The following LURAP1L variants were observed in gnomAD, a reference collection of about 807,000 sequenced individuals.
The protein encoded by LURAP1L is leucine rich adaptor protein 1 like, also known as leucine rich adaptor protein 1-like.
A neutral mutation model predicts 13.8 loss-of-function variants in LURAP1L; 12 were observed. The observed-to-expected ratio is 0.87, with a 90% CI of 0.56 to 1.41. The LOEUF (loss-of-function observed/expected upper bound fraction) is 1.41. Ranked by LOEUF, LURAP1L falls within the 40% of genes most tolerant of loss-of-function variation. The pLI, the probability that LURAP1L is intolerant of heterozygous loss-of-function variation, is 0.00. For missense variants in LURAP1L, 375 were observed against 292.9 expected (o/e 1.28, Z -2.04); for synonymous variants, 139 against 119.2 (o/e 1.17, Z -1.08).
intron 1 of LURAP1L, among the ~76,000 whole-genome samples, chr9:12,799,897 T>G (rs1819561423): frequency 6.6e-6 from 1 of 150,930 alleles, no homozygotes; most frequent in African/African-American, 2.4e-5. Context: ...AAAAAGCCAT[T>G]TTATGATATA....
At chr9:12,800,924 G>T (rs1050497200) in intron 1 of LURAP1L, among the ~76,000 whole-genome samples, 1 of 152,142 alleles carries the variant, frequency 6.6e-6, no homozygotes, top group African/African-American at 2.4e-5. Flanking sequence ...CTCCTGTCAA[G>T]TGCTTCTGTT....
At chr9:12,785,517 G>A (rs918334851) in intron 1 of LURAP1L, among the ~76,000 whole-genome samples, 7 of 152,146 alleles carry the variant, frequency 4.6e-5, no homozygotes, top group African/African-American at 1.4e-4. Context: ...CAGTGTTGAT[G>A]CTAGTCAGAA....
chr9:12,800,237 A>G (rs1186097036), intron 1 of LURAP1L, among the ~76,000 whole-genome samples: 2 of 152,214 alleles, frequency 1.3e-5, no homozygotes, highest in Non-Finnish European at 2.9e-5. Context: ...GTGAAGCTTT[A>G]TGCTACATGC....
rs112285482 is a variant in LURAP1L at position 12,811,286 on chromosome 9, T to A, written c.313-10100T>A. On this transcript the variant is annotated intron_variant, in intron 1 of 1. Coordinates refer to ENST00000319264, the MANE Select transcript of LURAP1L (RefSeq NM_203403.2). ...TTAAGCTCTTTAAATTATATCTGAA[T>A]GTTATTATCTAAGTTTAGTCTATTA... is the stretch of plus-strand genomic sequence containing the variant. Among the ~76,000 whole-genome samples the A allele has an allele frequency of 2.6e-3, 394 of 152,356 alleles. 1 individual carries two copies. Among genetic ancestry groups the A allele is most frequent in the African/African-American group, 9.0e-3 (376 of 41,582 alleles).
intron 1 of LURAP1L, among the ~76,000 whole-genome samples, chr9:12,785,864 A>G (rs1412359177): frequency 6.6e-6 from 1 of 152,108 alleles, no homozygotes; most frequent in East Asian, 1.9e-4. Flanking sequence ...TTATGAAGGT[A>G]CTTTCTTGTT....
rs181016723 is a variant in LURAP1L, at chr9:12,809,206, A to G, written c.313-12180A>G. ...ACACCTCCTACCAGGCCCCACCTCT[A>G]GCATTGGGGATCACATTTCAACATG... On this transcript the variant is annotated intron_variant, in intron 1 of 1. Transcript: ENST00000319264. Among the ~76,000 whole-genome samples the G allele has an allele frequency of 2.2e-4, 34 of 152,290 alleles. 1 individual carries two copies. The highest frequency in any genetic ancestry group is 1.7e-3 in the Admixed American group (26 of 15,300).
intron 1 of LURAP1L, among the ~76,000 whole-genome samples, chr9:12,812,323 C>T (rs1191901777): frequency 6.6e-6 from 1 of 152,106 alleles, no homozygotes. Flanking sequence ...AACTGGTGAG[C>T]AAAATTTAAA....
chr9:12,786,568 AT>A lies in LURAP1L; in HGVS notation c.312+10542del, dbSNP rs1563888378. On this transcript the variant is annotated intron_variant, in intron 1 of 1. Coordinates refer to ENST00000319264, the MANE Select transcript of LURAP1L (RefSeq NM_203403.2). ...ATGACATATATATATATATATATAT[AT>A]ATATATATATATAAACCCTTGTGCC... Among the ~76,000 whole-genome samples the A allele has an allele frequency of 2.5e-4, 31 of 124,396 alleles. 2 individuals are homozygous for A. The highest frequency in any genetic ancestry group is 5.9e-4 in the South Asian group (2 of 3,390). 81.6% of individuals were successfully genotyped at this position (124,396 alleles called of 152,430 possible).
chr9:12,819,032 G>C (rs7021941), intron 1 of LURAP1L, among the ~76,000 whole-genome samples: 20,452 of 152,078 alleles, frequency 0.13, 1,550 homozygotes, highest in South Asian at 0.23. Flanking sequence ...CTGGCTCATA[G>C]GGTGTGCGGA....
intron 1 of LURAP1L, among the ~76,000 whole-genome samples, chr9:12,810,067 G>T (rs78479076): frequency 9.1e-4 from 139 of 152,274 alleles, no homozygotes; most frequent in African/African-American, 3.3e-3. Context: ...AGCCTGTTAG[G>T]TTCTGGTAAA....
intron 1 of LURAP1L, among the ~76,000 whole-genome samples, chr9:12,820,498 G>GGC (rs1586889455): frequency 3.5e-5 from 1 of 28,300 alleles, no homozygotes; most frequent in Non-Finnish European, 6.4e-5. Flanking sequence ...TCGAGACTCC[G>GGC]TCCCCCCCCC....
intron 1 of LURAP1L, among the ~76,000 whole-genome samples, chr9:12,782,896 A>G (rs1054138646): frequency 6.6e-6 from 1 of 152,094 alleles, no homozygotes; most frequent in African/African-American, 2.4e-5. Flanking sequence ...AATTTCTTGC[A>G]TCGGTATTTT....
At chr9:12,820,953 T>G (rs1007342939) in intron 1 of LURAP1L, among the ~76,000 whole-genome samples, 2 of 152,202 alleles carry the variant, frequency 1.3e-5, no homozygotes, top group African/African-American at 4.8e-5. Flanking sequence ...TCAGAGGCTT[T>G]TAGAGGCTTC....
chr9:12,792,169 A>G (rs573393011), intron 1 of LURAP1L, among the ~76,000 whole-genome samples: 2 of 152,220 alleles, frequency 1.3e-5, no homozygotes, highest in South Asian at 4.1e-4. Context: ...AGTAGCTGGG[A>G]GGTTTGGGAC....
At chr9:12,786,911 C>T (rs1199726387) in intron 1 of LURAP1L, among the ~76,000 whole-genome samples, 1 of 151,914 alleles carries the variant, frequency 6.6e-6, no homozygotes, top group Non-Finnish European at 1.5e-5. Context: ...TCTCCTGATA[C>T]AATTGGACCC....
rs570923985 is a variant in LURAP1L, at chr9:12,821,881, T to C, written c.*121T>C. The stretch of plus-strand genomic sequence containing the variant: ...TGACCTTTTTAAAAGAAGCTGATTT[T>C]GAAACTGCTTAATGGTATTGCTGTT... On this transcript the variant is annotated 3_prime_UTR_variant, in exon 2 of 2. Transcript: ENST00000319264. 23 of 1,191,044 alleles carry C rather than the reference T, an allele frequency of 1.9e-5. No homozygotes were observed. The East Asian group carries it at 4.7e-4, about 24-fold the overall frequency. The allele number at this position is 1,191,044 out of a possible 1,614,324, so 73.8% of individuals were successfully genotyped here.
intron 1 of LURAP1L, among the ~76,000 whole-genome samples, chr9:12,789,492 C>T (rs761411949): frequency 7.9e-5 from 12 of 152,042 alleles, no homozygotes; most frequent in South Asian, 4.2e-4. Flanking sequence ...TGGTATTGAG[C>T]GCCCCTACAC....
chr9:12,782,603 G>T (rs1190735174), intron 1 of LURAP1L, among the ~76,000 whole-genome samples: 5 of 152,154 alleles, frequency 3.3e-5, no homozygotes, highest in Non-Finnish European at 7.4e-5. Flanking sequence ...CAGTGTGTCT[G>T]TTTTTATGCC....
At chr9:12,789,247 A>G (rs904498824) in intron 1 of LURAP1L, among the ~76,000 whole-genome samples, 3 of 152,180 alleles carry the variant, frequency 2.0e-5, no homozygotes, top group Admixed American at 1.3e-4. Context: ...TTAAATAATG[A>G]GATGATATAT....
Sources: allele counts gnomAD v4.1 joint callset (sites outside exome capture counted in the v4.1 genomes callset), GRCh38; gene constraint gnomAD v4.1.1; transcripts MANE v1.5; gene names NCBI Gene and HGNC (gene_info 2026-07-23, HGNC 2026-07-21).